The following NAALADL2 variants were observed in gnomAD, a reference collection of about 807,000 sequenced individuals.
NAALADL2 encodes inactive N-acetylated-alpha-linked acidic dipeptidase-like protein 2.
Under a neutral mutation model 87.2 loss-of-function variants are expected in NAALADL2, and 76 were observed. The ratio of observed to expected loss-of-function variants is 0.87; its 90% confidence interval spans 0.72 to 1.05. The LOEUF is 1.05. Ranked by LOEUF, NAALADL2 falls within the 50% of genes least tolerant of loss-of-function variation. The pLI is 0.00. For missense variants in NAALADL2, 1,089 were observed against 945.8 expected (o/e 1.15, Z -1.99); for synonymous variants, 354 against 331.0 (o/e 1.07, Z -0.75).
chr3:174,586,705 G>C (rs1414450071), intron 2 of NAALADL2, among the ~76,000 whole-genome samples: 1 of 152,146 alleles, frequency 6.6e-6, no homozygotes, highest in Non-Finnish European at 1.5e-5. Flanking sequence ...GAATCTCTGA[G>C]TTGGCCATAC....
chr3:174,581,261 G>C (rs910404673), intron 2 of NAALADL2, among the ~76,000 whole-genome samples: 1 of 152,092 alleles, frequency 6.6e-6, no homozygotes, highest in Admixed American at 6.6e-5. Context: ...GTCCAGTGGG[G>C]AGACAAGGGC....
chr3:175,325,020 C>A (rs1760519228), intron 5 of NAALADL2, among the ~76,000 whole-genome samples: 2 of 152,170 alleles, frequency 1.3e-5, no homozygotes, highest in African/African-American at 2.4e-5. Flanking sequence ...GTTCATTCAA[C>A]CTGGCTGAGG....
intron 1 of NAALADL2, among the ~76,000 whole-genome samples, chr3:174,870,265 G>C (rs567783723): frequency 1.4e-4 from 21 of 152,178 alleles, no homozygotes; most frequent in African/African-American, 4.8e-4. Context: ...AACTAGAAGA[G>C]AAAGTACATT....
intron 2 of NAALADL2, among the ~76,000 whole-genome samples, chr3:174,687,450 TGGATTTAGA>T (rs1228927311): frequency 6.6e-6 from 1 of 152,066 alleles, no homozygotes; most frequent in Non-Finnish European, 1.5e-5. Flanking sequence ...TTTGGCCTAT[TGGATTTAGA>T]GGTGATTCGC....
intron 1 of NAALADL2, among the ~76,000 whole-genome samples, chr3:175,024,185 ATATAT>A (rs765604788): frequency 7.8e-4 from 119 of 152,194 alleles, no homozygotes; most frequent in Non-Finnish European, 1.1e-3. Flanking sequence ...GGGACACTTT[ATATAT>A]TATATTTATG....
intron 1 of NAALADL2, among the ~76,000 whole-genome samples, chr3:174,892,946 G>T (rs1451729536): frequency 7.0e-6 from 1 of 142,234 alleles, no homozygotes; most frequent in South Asian, 2.2e-4. Flanking sequence ...AAAAATACAA[G>T]AAAGTTGTAG....
chr3:175,786,323 C>T (rs549352057), intron 13 of NAALADL2, among the ~76,000 whole-genome samples: 21 of 152,206 alleles, frequency 1.4e-4, no homozygotes, highest in Admixed American at 3.9e-4. Flanking sequence ...TTCTCCCCAT[C>T]ACTTTCAGGT....
chr3:175,505,508 G>A (rs1730188469), intron 9 of NAALADL2, among the ~76,000 whole-genome samples: 1 of 151,968 alleles, frequency 6.6e-6, no homozygotes. Context: ...CTACTTGTAG[G>A]AATGAAAAAG....
At chr3:174,716,992 G>GT (rs544005088) in intron 2 of NAALADL2, among the ~76,000 whole-genome samples, 2 of 151,670 alleles carry the variant, frequency 1.3e-5, no homozygotes, top group African/African-American at 4.8e-5. Flanking sequence ...TTTTAGAATT[G>GT]TTTTTTTTCC....
At chr3:174,472,860 G>A (rs1716987761) in intron 1 of NAALADL2, among the ~76,000 whole-genome samples, 1 of 152,068 alleles carries the variant, frequency 6.6e-6, no homozygotes, top group Admixed American at 6.6e-5. Flanking sequence ...GTAGAAACAT[G>A]TCACAACCAG....
chr3:174,669,937 G>A (rs1312565645), intron 2 of NAALADL2, among the ~76,000 whole-genome samples: 1 of 151,810 alleles, frequency 6.6e-6, no homozygotes, highest in Non-Finnish European at 1.5e-5. Flanking sequence ...ATCTTTTAGG[G>A]TACATGTTCT....
intron 2 of NAALADL2, among the ~76,000 whole-genome samples, chr3:174,666,463 A>T (rs1578477233): frequency 6.6e-6 from 1 of 151,944 alleles, no homozygotes; most frequent in East Asian, 1.9e-4. Flanking sequence ...TAAGAAGTCA[A>T]TTTTTATATA....
At position 174,726,546 on chromosome 3, in the gene NAALADL2, T is replaced by C. The variant is rs1005001081; in HGVS notation, c.-114-11095T>C. Among the ~76,000 whole-genome samples the C allele has an allele frequency of 4.6e-5, 7 of 152,168 alleles. No homozygotes were observed. The East Asian group carries it at 1.2e-3, about 25-fold the overall frequency. ...TTTAAATTTTTTTGCCCAAGGTGAA[T>C]GCTTAACTGAGCCCATTCCGAATCC... On this transcript the variant is annotated intron_variant, in intron 2 of 3. Coordinates refer to the NAALADL2 transcript ENST00000434257.
chr3:174,998,209 G>A (rs73048951), intron 1 of NAALADL2, among the ~76,000 whole-genome samples: 7,772 of 152,170 alleles, frequency 0.051, 652 homozygotes, highest in African/African-American at 0.18. Flanking sequence ...TGATCCTCAC[G>A]ACAGTGTACA....
At chr3:174,649,194 C>G (rs932316244) in intron 2 of NAALADL2, among the ~76,000 whole-genome samples, 1 of 151,808 alleles carries the variant, frequency 6.6e-6, no homozygotes, top group African/African-American at 2.4e-5. Flanking sequence ...GAACTCCTGA[C>G]CTCAGGAGAT....
intron 1 of NAALADL2, among the ~76,000 whole-genome samples, chr3:174,493,525 A>G (rs1272185329): frequency 1.3e-5 from 2 of 152,352 alleles, no homozygotes; most frequent in Non-Finnish European, 2.9e-5. Context: ...ATTATGAGAA[A>G]ATAAATTTCT....
chr3:174,827,853 C>T (rs1238758142), intron 3 of NAALADL2, among the ~76,000 whole-genome samples: 2 of 152,014 alleles, frequency 1.3e-5, no homozygotes, highest in Non-Finnish European at 2.9e-5. Context: ...TCATATGGTC[C>T]CTTTGAAGTC....
intron 2 of NAALADL2, among the ~76,000 whole-genome samples, chr3:175,098,711 G>A (rs909518366): frequency 6.6e-6 from 1 of 152,162 alleles, no homozygotes; most frequent in Non-Finnish European, 1.5e-5. Flanking sequence ...AGGGAAAGTT[G>A]CAGATAAATC....
At chr3:175,434,946 T>C (rs765586091) in intron 5 of NAALADL2, among the ~76,000 whole-genome samples, 9 of 152,068 alleles carry the variant, frequency 5.9e-5, no homozygotes, top group Non-Finnish European at 1.2e-4. Flanking sequence ...TGTTTCCAAA[T>C]GTTCATGTTT....
Sources: gnomAD v4.1 joint callset for allele counts (sites outside exome capture counted in the v4.1 genomes callset) on GRCh38, gnomAD v4.1.1 for gene constraint, MANE v1.5 for transcripts, NCBI Gene and HGNC (gene_info 2026-07-23, HGNC 2026-07-21) for gene names.